BCL9: variants seen among roughly 807,000 people sequenced by gnomAD.
The protein encoded by BCL9 is B-cell CLL/lymphoma 9 protein.
BCL9 carries 25 observed loss-of-function variants against 88.5 expected under a neutral mutation model. The observed-to-expected ratio is 0.28, with a 90% CI of 0.21 to 0.39. The LOEUF is 0.39. Among genes scored for constraint, BCL9 ranks in the 10% least tolerant of loss-of-function variants. The probability of loss-of-function intolerance (pLI) is 1.00; values close to 1 mark genes in which losing one functional copy is unlikely to be tolerated. For synonymous variants in BCL9, 711 were observed against 673.3 expected, an observed-to-expected ratio of 1.06 and a Z score of -0.87; for missense variants, 1,817 against 1,877.8, an observed-to-expected ratio of 0.97 and a Z score of 0.60.
At position 147,606,212 on chromosome 1, in the gene BCL9, G is replaced by A. The variant is rs151001599; in HGVS notation, c.-342-572G>A. 6.2e-3 allele frequency among the ~76,000 whole-genome samples: 948 copies of A among 152,234 alleles called. 7 individuals carry two copies. Among genetic ancestry groups the A allele is most frequent in the African/African-American group, 0.015 (609 of 41,530 alleles). On this transcript the variant is annotated intron_variant, in intron 2 of 9. Transcript: ENST00000234739. ...GACTTAGCCAGCTCAATTCAGTACCGCACTTTGCACACAGTAGGCACTGAA... is the reference window on the plus strand; with the variant it reads ...GACTTAGCCAGCTCAATTCAGTACCACACTTTGCACACAGTAGGCACTGAA...
At position 147,619,376 on chromosome 1, in the gene BCL9, G is replaced by A; in HGVS notation, c.1221G>A (p.Gln407=). ...AGAAAAAACCAGAAGGGCCAATACA[G>A]GCCATGATGGCCCAATCCCAAAGCC... ...GPQKKPEGPI[Q]AMMAQSQSLG... Residue 407 remains glutamine (Q), a synonymous_variant, in exon 8 of 10, where the codon CAG becomes CAA. Transcript: ENST00000234739. The surrounding 1 kb of genome is among the most constrained non-coding windows in gnomAD (Gnocchi z 4.1). 1 of 1,614,106 alleles carries A rather than the reference G, an allele frequency of 6.2e-7. No homozygotes were observed. The highest frequency in any genetic ancestry group is 8.5e-7 in the Non-Finnish European group (1 of 1,180,026).
chr1:147,571,103 T>A (rs1206687499), intron 1 of BCL9, among the ~76,000 whole-genome samples: 2 of 152,150 alleles, frequency 1.3e-5, no homozygotes, highest in African/African-American at 4.8e-5. Flanking sequence ...CCAAGGCATG[T>A]CTCATCATAG....
Position 147,612,882 on chromosome 1 carries a change from G to C in BCL9, c.54-1G>C. On this transcript the variant is annotated splice_acceptor_variant, in intron 4 of 9. Coordinates refer to ENST00000234739, the MANE Select transcript of BCL9 (RefSeq NM_004326.4). LOFTEE classifies it high-confidence loss of function. Reference sequence around the variant, plus strand: ...CTTCCTTTGTTATTTGTTTCTTTTAGTAGCCCTAAGTCAAAGCAGGAGGTG... The same window carrying C: ...CTTCCTTTGTTATTTGTTTCTTTTACTAGCCCTAAGTCAAAGCAGGAGGTG... 1 of 1,613,442 alleles carries C rather than the reference G, an allele frequency of 6.2e-7. No individual in the cohort carries two copies. Among genetic ancestry groups the C allele is most frequent in the African/African-American group, 1.3e-5 (1 of 74,990 alleles).
intron 1 of BCL9, among the ~76,000 whole-genome samples, chr1:147,569,742 A>G (rs934989033): frequency 6.6e-6 from 1 of 152,212 alleles, no homozygotes; most frequent in African/African-American, 2.4e-5. Context: ...TAACTAGCAG[A>G]CTGTCATAGT....
At chr1:147,559,107 G>GT (rs1215288819) in intron 1 of BCL9, among the ~76,000 whole-genome samples, 2 of 139,958 alleles carry the variant, frequency 1.4e-5, no homozygotes, top group Non-Finnish European at 1.5e-5. Context: ...TATTTTGAAG[G>GT]TTTTTTCTTT....
intron 1 of BCL9, among the ~76,000 whole-genome samples, chr1:147,582,136 C>G (rs782671185): frequency 6.6e-6 from 1 of 152,172 alleles, no homozygotes; most frequent in African/African-American, 2.4e-5. Flanking sequence ...GGGATAAGAC[C>G]ATGTATGCAT....
chr1:147,614,571 C>A lies in BCL9; in HGVS notation c.515C>A (p.Thr172Asn). Residue 172 changes from threonine to asparagine, a missense_variant, in exon 6 of 10, where the codon ACT becomes AAT. Around this residue, in one of 2 missense-constraint regions of BCL9, gnomAD observed 1,228 missense variants for 1,191.6 expected, o/e 1.03. Coordinates refer to ENST00000234739, the MANE Select transcript of BCL9 (RefSeq NM_004326.4). ...TATEPTPAQK[T>N]PAKVVYVFST... is the part of the protein sequence containing the mutation. The stretch of plus-strand genomic sequence containing the variant: ...ACAGAGCCCACACCTGCTCAGAAGA[C>A]TCCAGCCAAAGTGGTGTACGTGTTT... 6.2e-7 allele frequency: 1 copy of A among 1,614,012 alleles called. No individual in the cohort carries two copies. The highest frequency in any genetic ancestry group is 8.5e-7 in the Non-Finnish European group (1 of 1,179,972).
intron 1 of BCL9, among the ~76,000 whole-genome samples, chr1:147,542,939 A>G (rs1193705564): frequency 3.9e-5 from 6 of 152,192 alleles, no homozygotes; most frequent in Non-Finnish European, 7.3e-5. Flanking sequence ...TAGAGATTAA[A>G]TGAGATTTAT....
At position 147,600,110 on chromosome 1, in the gene BCL9, C is replaced by G. The variant is rs1369092372; in HGVS notation, c.-477-4667C>G. ...GGGAGGGCCGAAGGGAGGGAAGGGG[C>G]GGGACCGGGAGGGGGGAGCCGGAAA... On this transcript the variant is annotated intron_variant, in intron 1 of 9. Coordinates refer to ENST00000234739, the MANE Select transcript of BCL9 (RefSeq NM_004326.4). The G allele has an allele frequency of 2.4e-4, 4 of 16,722 alleles. No homozygotes were observed. The Admixed American group carries it at 2.4e-3, about 10-fold the overall frequency. The allele number at this position is 16,722 out of a possible 1,614,324, so 1.0% of individuals were successfully genotyped here.
At chr1:147,596,555 A>G (rs1276792803) in intron 1 of BCL9, among the ~76,000 whole-genome samples, 2 of 143,706 alleles carry the variant, frequency 1.4e-5, no homozygotes, top group Non-Finnish European at 3.0e-5. Context: ...CTGGGACTAC[A>G]GGCGCCGGCC....
In BCL9 at chr1:147,619,491, G is replaced by T. The variant is rs199804806; in HGVS notation, c.1336G>T (p.Val446Phe). 2 of 1,614,104 alleles carry T rather than the reference G, an allele frequency of 1.2e-6. No individual in the cohort carries two copies. Among genetic ancestry groups the T allele is most frequent in the Non-Finnish European group, 1.7e-6 (2 of 1,180,018 alleles). ...RDVPFSPDEM[V>F]PPSMNSQSGT... ...TGTACCCTTTTCTCCAGATGAAATG[G>T]TTCCACCTTCTATGAACTCCCAGTC... The change falls in exon 8 of 10, where the codon GTT becomes TTT. Residue 446 changes from valine (V) to phenylalanine (F), a missense_variant. Around this residue, in one of 2 missense-constraint regions of BCL9, gnomAD observed 1,228 missense variants for 1,191.6 expected, o/e 1.03. Coordinates refer to ENST00000234739, the MANE Select transcript of BCL9 (RefSeq NM_004326.4). This position sits in a 1 kb window ranked among gnomAD's most constrained non-coding sequence, Gnocchi z 4.1.
At chr1:147,570,526 A>G (rs1553197270) in intron 1 of BCL9, among the ~76,000 whole-genome samples, 1 of 152,092 alleles carries the variant, frequency 6.6e-6, no homozygotes, top group Non-Finnish European at 1.5e-5. Flanking sequence ...TTTTATTTTC[A>G]AATTCTTGTC....
chr1:147,591,141 T>C (rs1454542141), intron 1 of BCL9, among the ~76,000 whole-genome samples: 8 of 152,168 alleles, frequency 5.3e-5, no homozygotes, highest in African/African-American at 1.7e-4. Context: ...ATCTGTAAAA[T>C]GGGTATAATT....
chr1:147,613,338 T>A (rs1418184327), intron 5 of BCL9, 139 bp downstream of exon 5: 1 of 834,652 alleles, frequency 1.2e-6, no homozygotes, highest in Non-Finnish European at 1.9e-6. Context: ...TCTCACAGTT[T>A]ATGATGGAAC....
intron 1 of BCL9, among the ~76,000 whole-genome samples, chr1:147,579,165 T>A (rs782092907): frequency 2.0e-5 from 3 of 152,164 alleles, no homozygotes; most frequent in Non-Finnish European, 4.4e-5. Context: ...CGCGCCCAGC[T>A]GAAACTTGGT....
At chr1:147,573,485 C>CTTGAAGA (rs1553197730) in intron 1 of BCL9, among the ~76,000 whole-genome samples, 1 of 152,074 alleles carries the variant, frequency 6.6e-6, no homozygotes, top group Non-Finnish European at 1.5e-5. Flanking sequence ...AAGGCTCACC[C>CTTGAAGA]TTGAAGATGT....
chr1:147,604,300 C>G (rs993621713), intron 1 of BCL9, among the ~76,000 whole-genome samples: 1 of 152,180 alleles, frequency 6.6e-6, no homozygotes, highest in Non-Finnish European at 1.5e-5. Flanking sequence ...GTTAAGAACT[C>G]TTACCCTAGA....
At position 147,578,562 on chromosome 1, in the gene BCL9, A is replaced by G. The variant is rs116818228; in HGVS notation, c.-477-26215A>G. On this transcript the variant is annotated intron_variant, in intron 1 of 9. Coordinates refer to ENST00000234739, the MANE Select transcript of BCL9 (RefSeq NM_004326.4). ...AAAATCTGAAACATTTCTGATCATAAGCATTTTGGAGAAGGGATACTCAAT... is the reference window on the plus strand; with the variant it reads ...AAAATCTGAAACATTTCTGATCATAGGCATTTTGGAGAAGGGATACTCAAT... Among the ~76,000 whole-genome samples the G allele has an allele frequency of 9.2e-4, 140 of 152,366 alleles. 1 individual carries two copies. The highest frequency in any genetic ancestry group is 1.3e-3 in the Non-Finnish European group (91 of 68,038).
At chr1:147,593,595 G>A (rs1381215366) in intron 1 of BCL9, among the ~76,000 whole-genome samples, 1 of 152,122 alleles carries the variant, frequency 6.6e-6, no homozygotes, top group Non-Finnish European at 1.5e-5. Flanking sequence ...CAACATCAGG[G>A]GAGTTAAGTT....
Sources: allele counts gnomAD v4.1 joint callset (sites outside exome capture counted in the v4.1 genomes callset), GRCh38; gene constraint gnomAD v4.1.1; regional missense constraint gnomAD v4.1.1; non-coding constraint Gnocchi (gnomAD v3.1); transcripts MANE v1.5; gene names NCBI Gene and HGNC (gene_info 2026-07-23, HGNC 2026-07-21).